Variants in YWHAE observed in about 807,000 individuals in gnomAD.
YWHAE encodes 14-3-3 protein epsilon.
YWHAE carries 4 observed loss-of-function variants against 30.1 expected under a neutral mutation model. The ratio of observed to expected loss-of-function variants is 0.13; its 90% CI spans 0.07 to 0.30. YWHAE has a LOEUF of 0.30. Among genes scored for constraint, YWHAE ranks in the 10% least tolerant of loss-of-function variants. YWHAE has a pLI of 1.00. For synonymous variants in YWHAE, 118 were observed against 111.8 expected (o/e 1.06, Z -0.35); for missense variants, 121 against 315.9 (o/e 0.38, Z 4.68).
chr17:1,374,338 A>G (rs1396941916), intron 1 of YWHAE, among the ~76,000 whole-genome samples: 2 of 150,974 alleles, frequency 1.3e-5, no homozygotes, highest in African/African-American at 2.4e-5. Context: ...AAAAAAATCC[A>G]TTCGTTAGTT....
rs549166592 is a variant in YWHAE, at chr17:1,363,682, C to T, written c.264+1177G>A. Among the ~76,000 whole-genome samples the T allele has an allele frequency of 6.6e-5, 10 of 152,302 alleles. No homozygotes were observed. The South Asian group carries it at 1.7e-3, about 25-fold the overall frequency. Reference sequence around the variant, plus strand: ...AGTGCCATTTTAAAGATTTCATGTACTACCTTGCACAAATACATGTAACAA... The same window carrying T: ...AGTGCCATTTTAAAGATTTCATGTATTACCTTGCACAAATACATGTAACAA... On this transcript the variant is annotated intron_variant, in intron 2 of 5. Transcript: ENST00000264335.
At chr17:1,384,457 C>A (rs367690302) in intron 1 of YWHAE, among the ~76,000 whole-genome samples, 12 of 151,726 alleles carry the variant, frequency 7.9e-5, no homozygotes, top group Admixed American at 5.2e-4. Context: ...TTTGGGAGGC[C>A]AAGGCGGGCA....
intron 4 of YWHAE, among the ~76,000 whole-genome samples, chr17:1,360,438 C>T (rs948328461): frequency 6.6e-6 from 1 of 152,046 alleles, no homozygotes; most frequent in Non-Finnish European, 1.5e-5. Context: ...ATGTTTGCTA[C>T]GAGAGTAACT....
chr17:1,371,741 G>A (rs1255841335), intron 1 of YWHAE, among the ~76,000 whole-genome samples: 2 of 151,948 alleles, frequency 1.3e-5, no homozygotes, highest in Admixed American at 6.6e-5. Flanking sequence ...TTTTGTCTAC[G>A]CTGAAAATCT....
At chr17:1,370,184 G>GGT (rs2073011388) in intron 1 of YWHAE, among the ~76,000 whole-genome samples, 1 of 139,408 alleles carries the variant, frequency 7.2e-6, no homozygotes, top group African/African-American at 2.6e-5. Context: ...TGGAGTGCCT[G>GGT]GGCGTGATCT....
intron 1 of YWHAE, among the ~76,000 whole-genome samples, chr17:1,396,217 C>T (rs1196972843): frequency 6.6e-6 from 1 of 151,896 alleles, no homozygotes; most frequent in African/African-American, 2.4e-5. Flanking sequence ...GTCGGGAGTT[C>T]GAGACCAGCC....
At chr17:1,384,095 C>G (rs2073261655) in intron 1 of YWHAE, among the ~76,000 whole-genome samples, 1 of 152,114 alleles carries the variant, frequency 6.6e-6, no homozygotes, top group South Asian at 2.1e-4. Flanking sequence ...ATCCCAGCCA[C>G]TCGGGAAGAT....
At chr17:1,352,586 G>A (rs941229950) in intron 5 of YWHAE, among the ~76,000 whole-genome samples, 2 of 150,658 alleles carry the variant, frequency 1.3e-5, no homozygotes, top group South Asian at 4.2e-4. Flanking sequence ...GTGCAATGGC[G>A]TATCTCTCAG....
chr17:1,357,569 G>C (rs191036749), intron 4 of YWHAE, among the ~76,000 whole-genome samples: 5 of 151,674 alleles, frequency 3.3e-5, no homozygotes, highest in Non-Finnish European at 7.4e-5. Flanking sequence ...AGCAGAGTGA[G>C]ACTCCGTCAA....
intron 5 of YWHAE, among the ~76,000 whole-genome samples, chr17:1,351,404 C>A (rs1256046330): frequency 6.6e-6 from 1 of 151,770 alleles, no homozygotes; most frequent in East Asian, 1.9e-4. Context: ...AACACACACA[C>A]AGAAAAAACT....
chr17:1,380,338 G>A (rs1018966274), intron 1 of YWHAE, among the ~76,000 whole-genome samples: 11 of 152,078 alleles, frequency 7.2e-5, no homozygotes, highest in African/African-American at 2.4e-4. Context: ...TCTCGAACTC[G>A]TGACCTCAGG....
At chr17:1,386,289 G>T (rs2073299448) in intron 1 of YWHAE, among the ~76,000 whole-genome samples, 1 of 152,166 alleles carries the variant, frequency 6.6e-6, no homozygotes, top group South Asian at 2.1e-4. Context: ...GGGACACCCA[G>T]CAACTGATAC....
At position 1,384,877 on chromosome 17, in the gene YWHAE, T is replaced by C. The variant is rs1390888119; in HGVS notation, c.64+15170A>G. Among the ~76,000 whole-genome samples, 5 of 152,056 alleles carry C rather than the reference T, an allele frequency of 3.3e-5. No individual in the cohort carries two copies. In the South Asian group the frequency reaches 8.3e-4, roughly 25 times the overall value. ...CATGCGCCACGAAGCCTGGCTAATT[T>C]TTTTTTGTATTTTTAGTAGAGACGG... On this transcript the variant is annotated intron_variant, in intron 1 of 5. Coordinates refer to ENST00000264335, the MANE Select transcript of YWHAE (RefSeq NM_006761.5).
chr17:1,397,494 T>C (rs888714256), intron 1 of YWHAE, among the ~76,000 whole-genome samples: 1 of 152,150 alleles, frequency 6.6e-6, no homozygotes, highest in Non-Finnish European at 1.5e-5. Context: ...TAGAATTAAA[T>C]GAGGATACAA....
intron 1 of YWHAE, among the ~76,000 whole-genome samples, chr17:1,397,982 T>C (rs780253735): frequency 5.9e-5 from 9 of 152,156 alleles, no homozygotes; most frequent in Admixed American, 3.9e-4. Flanking sequence ...TCAGAAATCC[T>C]CACCACTCAC....
At chr17:1,368,229 T>A (rs1414721666) in intron 1 of YWHAE, among the ~76,000 whole-genome samples, 12 of 151,874 alleles carry the variant, frequency 7.9e-5, no homozygotes, top group Admixed American at 2.6e-4. Flanking sequence ...TACAAAAAAA[T>A]TTGCCAGACG....
chr17:1,364,725 T>C (rs1380792846), intron 2 of YWHAE, 134 bp downstream of exon 2: 8 of 1,110,960 alleles, frequency 7.2e-6, no homozygotes, highest in Admixed American at 4.7e-5. Flanking sequence ...CAAAGATCAA[T>C]ATCAGAAACA....
chr17:1,373,039 C>T (rs540062041), intron 1 of YWHAE, among the ~76,000 whole-genome samples: 4 of 150,892 alleles, frequency 2.7e-5, no homozygotes, highest in South Asian at 4.2e-4. Context: ...GTCGGGAGTT[C>T]GAGACCACCT....
chr17:1,351,881 G>A (rs2072640439), intron 5 of YWHAE, among the ~76,000 whole-genome samples: 1 of 152,036 alleles, frequency 6.6e-6, no homozygotes, highest in South Asian at 2.1e-4. Flanking sequence ...TCCACCTCCT[G>A]GGTTCAAGCA....
Sources: gnomAD v4.1 joint callset for allele counts (sites outside exome capture counted in the v4.1 genomes callset) on GRCh38, gnomAD v4.1.1 for gene constraint, MANE v1.5 for transcripts, NCBI Gene and HGNC (gene_info 2026-07-23, HGNC 2026-07-21) for gene names.